GPATCH2L: variants seen among roughly 807,000 people sequenced by gnomAD.
GPATCH2L encodes the protein G-patch domain containing 2 like, also known as G patch domain-containing protein 2-like.
GPATCH2L carries 31 observed loss-of-function variants against 57.4 expected under a neutral mutation model. That is an observed-to-expected ratio of 0.54 (90% CI 0.41 to 0.73). The LOEUF (loss-of-function observed/expected upper bound fraction) is 0.73, where lower values mean the gene tolerates loss of function less well. GPATCH2L is among the 30% of genes least tolerant of loss of function. The pLI, the probability that GPATCH2L is intolerant of heterozygous loss-of-function variation, is 0.00. For synonymous variants in GPATCH2L, 199 were observed against 210.7 expected, an observed-to-expected ratio of 0.94 and a Z score of 0.48; for missense variants, 481 against 599.9, an observed-to-expected ratio of 0.80 and a Z score of 2.07.
chr14:76,196,391 C>T (rs867396125), intron 9 of GPATCH2L: 14 of 260,936 alleles, frequency 5.4e-5, no homozygotes, highest in Middle Eastern at 1.1e-3. Flanking sequence ...TTTTACTGGT[C>T]ATGACATTCC....
At chr14:76,228,842 A>G (rs965920521) in intron 1 of GPATCH2L, among the ~76,000 whole-genome samples, 2 of 152,094 alleles carry the variant, frequency 1.3e-5, no homozygotes, top group Non-Finnish European at 2.9e-5. Flanking sequence ...AAACCATATC[A>G]CATTGATTTT....
intron 1 of GPATCH2L, among the ~76,000 whole-genome samples, chr14:76,222,765 T>C (rs149295594): frequency 7.4e-4 from 113 of 152,166 alleles, no homozygotes; most frequent in African/African-American, 2.5e-3. Context: ...AAGACCAGCC[T>C]GGCCAACATG....
At chr14:76,229,594 C>T (rs140991991) in intron 1 of GPATCH2L, among the ~76,000 whole-genome samples, 38 of 152,274 alleles carry the variant, frequency 2.5e-4, no homozygotes, top group Admixed American at 5.2e-4. Flanking sequence ...CTGCCCTCTA[C>T]GCTATGGGCC....
intron 3 of GPATCH2L, among the ~76,000 whole-genome samples, chr14:76,169,286 T>G (rs2038981264): frequency 6.6e-6 from 1 of 152,206 alleles, no homozygotes; most frequent in African/African-American, 2.4e-5. Context: ...TCTTTTCCCT[T>G]GAGGCTTTTC....
intron 8 of GPATCH2L, among the ~76,000 whole-genome samples, chr14:76,183,234 G>A (rs910883473): frequency 6.6e-6 from 1 of 152,196 alleles, no homozygotes; most frequent in Non-Finnish European, 1.5e-5. Context: ...GGCTGAACTT[G>A]GAAACCTGAG....
At chr14:76,234,499 C>T (rs2040588915) in intron 2 of GPATCH2L, 2 of 152,230 alleles carry the variant, frequency 1.3e-5, no homozygotes, top group African/African-American at 2.4e-5. Flanking sequence ...CTCTCTGTCC[C>T]TCTCCCTGTT....
In GPATCH2L at chr14:76,213,274, A is replaced by G. The variant is rs552465476; in HGVS notation, c.*11423A>G. On this transcript the variant is annotated 3_prime_UTR_variant, in exon 10 of 10. Transcript: ENST00000261530. ...AAATATTCTTTGCTCAACTGTATGC[A>G]AACAATTTAAAAACTTGGATTAAAT... The G allele has an allele frequency of 6.6e-6, 1 of 152,312 alleles. No individual in the cohort carries two copies. Among genetic ancestry groups the G allele is most frequent in the African/African-American group, 2.4e-5 (1 of 41,574 alleles). The allele number at this position is 152,312 out of a possible 1,614,324, so 9.4% of individuals were successfully genotyped here. A position where few individuals can be genotyped will look rare whatever the true frequency, so the allele number is the denominator to read the frequency against.
At chr14:76,172,659 T>A (rs2039140378) in intron 4 of GPATCH2L, among the ~76,000 whole-genome samples, 1 of 152,218 alleles carries the variant, frequency 6.6e-6, no homozygotes, top group African/African-American at 2.4e-5. Context: ...ACTTACGATA[T>A]GTGACATTGG....
chr14:76,167,302 A>G (rs2038887657), intron 3 of GPATCH2L, among the ~76,000 whole-genome samples: 1 of 152,154 alleles, frequency 6.6e-6, no homozygotes, highest in Non-Finnish European at 1.5e-5. Flanking sequence ...CTTTGCCTAT[A>G]TATAAGGGTA....
intron 1 of GPATCH2L, among the ~76,000 whole-genome samples, chr14:76,220,309 T>C (rs921306633): frequency 1.3e-5 from 2 of 151,944 alleles, no homozygotes; most frequent in East Asian, 3.9e-4. Context: ...AAATTGAAAG[T>C]AAAAGGATGA....
chr14:76,204,867 T>TA lies in GPATCH2L; in HGVS notation c.*3021dup. On this transcript the variant is annotated 3_prime_UTR_variant, in exon 10 of 10. Coordinates refer to ENST00000261530, the MANE Select transcript of GPATCH2L (RefSeq NM_017926.4). ...TTATCTGCTTCTGTGAGGATCATAA[T>TA]AAAAAGTTAGTTTTAATTACGAGTT... 2 of 152,376 alleles carry TA rather than the reference T, an allele frequency of 1.3e-5. No homozygotes were observed. Among genetic ancestry groups the TA allele is most frequent in the Non-Finnish European group, 2.9e-5 (2 of 68,032 alleles). 9.4% of individuals were successfully genotyped at this position (152,376 alleles called of 1,614,324 possible).
intron 2 of GPATCH2L, among the ~76,000 whole-genome samples, chr14:76,162,080 T>C (rs1157186633): frequency 6.6e-6 from 1 of 150,628 alleles, no homozygotes; most frequent in Non-Finnish European, 1.5e-5. Flanking sequence ...AAACAATGAA[T>C]ACTTTATCGC....
At chr14:76,184,665 T>C (rs1277114802) in intron 8 of GPATCH2L, among the ~76,000 whole-genome samples, 1 of 152,218 alleles carries the variant, frequency 6.6e-6, no homozygotes, top group Non-Finnish European at 1.5e-5. Flanking sequence ...AGGGAGAGTT[T>C]TGTGGTCTTT....
intron 3 of GPATCH2L, among the ~76,000 whole-genome samples, chr14:76,168,950 T>C (rs1205897924): frequency 6.6e-6 from 1 of 152,254 alleles, no homozygotes; most frequent in Non-Finnish European, 1.5e-5. Context: ...TTGGCAGCCT[T>C]CTTTTATAAC....
intron 9 of GPATCH2L, among the ~76,000 whole-genome samples, chr14:76,198,370 C>T (rs776860841): frequency 3.8e-4 from 58 of 152,312 alleles, no homozygotes; most frequent in Non-Finnish European, 7.2e-4. Context: ...AGATTATCTT[C>T]TCCAAAATTT....
intron 2 of GPATCH2L, among the ~76,000 whole-genome samples, chr14:76,232,076 T>C (rs1376760065): frequency 1.4e-4 from 1 of 7,318 alleles, no homozygotes; most frequent in East Asian, 3.9e-3. Context: ...CACGCCCAGC[T>C]AATTTTTGTA....
intron 9 of GPATCH2L, among the ~76,000 whole-genome samples, chr14:76,199,344 T>C (rs1349378680): frequency 6.6e-6 from 1 of 152,188 alleles, no homozygotes; most frequent in Non-Finnish European, 1.5e-5. Context: ...TGTCCAGTTT[T>C]GTGTTTTTGA....
Position 76,154,998 on chromosome 14 carries a change from A to C in GPATCH2L, c.635A>C (p.Gln212Pro). ...RMECETDEQK[Q>P]GSDENMSECE... Reference sequence around the variant, plus strand: ...GAGTGTGAAACAGATGAACAAAAACAGGGCTCTGATGAGAACATGTCAGAA... The same window carrying C: ...GAGTGTGAAACAGATGAACAAAAACCGGGCTCTGATGAGAACATGTCAGAA... The change falls in exon 2 of 10, where the codon CAG becomes CCG. Residue 212 changes from glutamine (Q) to proline (P), a missense_variant. Gln to Pro is a moderately conservative substitution (Grantham distance 76). Around this residue, in one of 3 missense-constraint regions of GPATCH2L, gnomAD observed 208 missense variants for 272.4 expected, o/e 0.76. Transcript: ENST00000261530. The surrounding 1 kb of genome is among the most constrained non-coding windows in gnomAD (Gnocchi z 4.4). 1 of 1,612,934 alleles carries C rather than the reference A, an allele frequency of 6.2e-7. No homozygotes were observed.
chr14:76,176,100 A>C (rs1260773465), intron 5 of GPATCH2L: 1 of 152,288 alleles, frequency 6.6e-6, no homozygotes, highest in Non-Finnish European at 1.5e-5. Flanking sequence ...TTGAGGGACA[A>C]AGTACAGAGT....
Sources: gnomAD v4.1 joint callset for allele counts (sites outside exome capture counted in the v4.1 genomes callset) on GRCh38, gnomAD v4.1.1 for gene constraint, gnomAD v4.1.1 regional missense constraint, Gnocchi (gnomAD v3.1) non-coding constraint, MANE v1.5 for transcripts, NCBI Gene and HGNC (gene_info 2026-07-23, HGNC 2026-07-21) for gene names.